Variants in CORIN observed in about 807,000 individuals in gnomAD.
The protein encoded by CORIN is corin, serine peptidase.
A neutral mutation model predicts 125.3 loss-of-function variants in CORIN; 117 were observed. That is an observed-to-expected ratio of 0.93 (90% CI 0.80 to 1.09). The LOEUF (loss-of-function observed/expected upper bound fraction) is 1.09. Ranked by LOEUF, CORIN falls within the 50% of genes least tolerant of loss-of-function variation. The pLI, the probability that CORIN is intolerant of heterozygous loss-of-function variation, is 0.00. For missense variants in CORIN, 1,253 were observed against 1,306.7 expected (o/e 0.96, Z 0.63); for synonymous variants, 450 against 466.4 (o/e 0.96, Z 0.45).
At chr4:47,837,800 G>A (rs1298255771) in intron 1 of CORIN, 87 bp downstream of exon 1, 1 of 1,172,456 alleles carries the variant, frequency 8.5e-7, no homozygotes. Context: ...AGGAGAGGAC[G>A]GGGGCGGGAG....
At chr4:47,777,701 A>G (rs1730361274) in intron 3 of CORIN, among the ~76,000 whole-genome samples, 1 of 152,244 alleles carries the variant, frequency 6.6e-6, no homozygotes. Flanking sequence ...AGAGAATAAA[A>G]TGTGTTAACA....
intron 5 of CORIN, among the ~76,000 whole-genome samples, chr4:47,722,729 G>A (rs1047864628): frequency 6.6e-6 from 1 of 152,100 alleles, no homozygotes; most frequent in African/African-American, 2.4e-5. Flanking sequence ...GAAGTGAAAC[G>A]TGGGATTCTA....
chr4:47,735,242 TTCTC>T (rs1728070798), intron 5 of CORIN, among the ~76,000 whole-genome samples: 1 of 152,204 alleles, frequency 6.6e-6, no homozygotes, highest in Non-Finnish European at 1.5e-5. Flanking sequence ...GGCAGTGACT[TTCTC>T]TATAGCACAC....
intron 1 of CORIN, among the ~76,000 whole-genome samples, chr4:47,828,592 C>T (rs1732837307): frequency 6.6e-6 from 1 of 152,278 alleles, no homozygotes; most frequent in Admixed American, 6.5e-5. Context: ...CCCAGATAAT[C>T]CAAGATAATC....
At chr4:47,787,793 C>G (rs997794627) in intron 2 of CORIN, among the ~76,000 whole-genome samples, 7 of 152,184 alleles carry the variant, frequency 4.6e-5, no homozygotes, top group Non-Finnish European at 1.0e-4. Flanking sequence ...AACTCTCTTT[C>G]CACACTTTCC....
chr4:47,623,597 A>G lies in CORIN; in HGVS notation c.2514T>C (p.Val838=). The G allele has an allele frequency of 6.2e-7, 1 of 1,614,212 alleles. No homozygotes were observed. Among genetic ancestry groups the G allele is most frequent in the Non-Finnish European group, 8.5e-7 (1 of 1,180,024 alleles). ...CGCVLIAKKW[V]LTVAHCFEGR... ...CCTCGAAGCAGTGGGCAACTGTCAG[A>G]ACCCACTTCTTGGCAATGAGGACAC... Residue 838 remains valine (V), a synonymous_variant, in exon 19 of 22, where the codon GTT becomes GTC. Coordinates refer to ENST00000273857, the MANE Select transcript of CORIN (RefSeq NM_006587.4).
chr4:47,621,294 G>T (rs1722298742), intron 19 of CORIN, among the ~76,000 whole-genome samples: 1 of 152,108 alleles, frequency 6.6e-6, no homozygotes, highest in South Asian at 2.1e-4. Context: ...AGCTTGCTTT[G>T]GAGGATGCCA....
intron 13 of CORIN, among the ~76,000 whole-genome samples, chr4:47,646,567 C>T (rs889634242): frequency 6.6e-6 from 1 of 152,170 alleles, no homozygotes; most frequent in Non-Finnish European, 1.5e-5. Flanking sequence ...TATGTCATTC[C>T]GGTCAGATCC....
chr4:47,644,571 G>T, intron 14 of CORIN, among the ~76,000 whole-genome samples: 1 of 152,102 alleles, frequency 6.6e-6, no homozygotes, highest in East Asian at 1.9e-4. Context: ...ATGTAGAAAA[G>T]ATAGAAAAGC....
At chr4:47,683,049 T>G (rs2109719452) in intron 7 of CORIN, 1 of 152,342 alleles carries the variant, frequency 6.6e-6, no homozygotes. Flanking sequence ...CAGTTTGCCC[T>G]TTTGTTCATG....
At chr4:47,658,950 C>T (rs1029922076) in intron 12 of CORIN, among the ~76,000 whole-genome samples, 1 of 152,220 alleles carries the variant, frequency 6.6e-6, no homozygotes, top group South Asian at 2.1e-4. Flanking sequence ...TTAGACGCAG[C>T]CAGGCTATCT....
intron 4 of CORIN, among the ~76,000 whole-genome samples, chr4:47,762,882 A>C (rs1729532377): frequency 6.6e-6 from 1 of 152,138 alleles, no homozygotes; most frequent in Non-Finnish European, 1.5e-5. Context: ...TCCTCTGCCT[A>C]GGGTCATAGC....
rs113901403 is a variant in CORIN at position 47,708,187 on chromosome 4, G to A, written c.800-15104C>T. 1.6e-3 allele frequency among the ~76,000 whole-genome samples: 250 copies of A among 152,272 alleles called. 1 individual carries two copies. Among genetic ancestry groups the A allele is most frequent in the African/African-American group, 5.7e-3 (235 of 41,530 alleles). On this transcript the variant is annotated intron_variant, in intron 5 of 21. Transcript: ENST00000273857. Reference sequence around the variant, plus strand: ...TGCCACAAATTGGGTGGCTGAAAACGACAGAAATTTATTCTCCCACAATGC... The same window carrying A: ...TGCCACAAATTGGGTGGCTGAAAACAACAGAAATTTATTCTCCCACAATGC...
chr4:47,622,006 C>G lies in CORIN; in HGVS notation c.2540+1565G>C, dbSNP rs534463951. ...CAATGCTATCCCTCCCCCCTCCCCC[C>G]ACCCCACAACAGTCCCCAGAGTGTG... On this transcript the variant is annotated intron_variant, in intron 19 of 21. Transcript: ENST00000273857. 3.0e-4 allele frequency among the ~76,000 whole-genome samples: 19 copies of G among 62,628 alleles called. 1 individual carries two copies. Among genetic ancestry groups the G allele is most frequent in the African/African-American group, 1.1e-3 (19 of 17,566 alleles). 41.1% of individuals were successfully genotyped at this position (62,628 alleles called of 152,430 possible).
chr4:47,683,830 C>G lies in CORIN; in HGVS notation c.922G>C (p.Glu308Gln). The G allele has an allele frequency of 1.2e-6, 2 of 1,610,822 alleles. No individual in the cohort carries two copies. The highest frequency in any genetic ancestry group is 1.7e-6 in the Non-Finnish European group (2 of 1,178,776). ...CCTGTGTGACAGTGAAACAGATTCTCGCTGCAGTCTGCAAATAAAAGAAGC... is the reference window on the plus strand; with the variant it reads ...CCTGTGTGACAGTGAAACAGATTCTGGCTGCAGTCTGCAAATAAAAGAAGC... ...WSDEAHCNCS[E>Q]NLFHCHTGKC... is the part of the protein sequence containing the mutation. The change falls in exon 7 of 22, where the codon GAG becomes CAG. Residue 308 changes from glutamate (E) to glutamine (Q), a missense_variant. Physicochemically the swap from Glu to Gln is conservative, Grantham distance 29. Transcript: ENST00000273857.
chr4:47,780,391 T>C (rs1730485079), intron 3 of CORIN, among the ~76,000 whole-genome samples: 1 of 152,104 alleles, frequency 6.6e-6, no homozygotes, highest in Non-Finnish European at 1.5e-5. Context: ...AAATAACATA[T>C]ATATCATAAT....
intron 3 of CORIN, among the ~76,000 whole-genome samples, chr4:47,781,541 C>G (rs1455967466): frequency 6.6e-6 from 1 of 152,166 alleles, no homozygotes; most frequent in Non-Finnish European, 1.5e-5. Context: ...CTACAATGTT[C>G]TATAGGTTCG....
chr4:47,631,486 C>A (rs985687204), intron 16 of CORIN, among the ~76,000 whole-genome samples: 1 of 151,640 alleles, frequency 6.6e-6, no homozygotes. Flanking sequence ...GATGATCTGT[C>A]ACTGTCTCCC....
intron 1 of CORIN, among the ~76,000 whole-genome samples, chr4:47,807,735 A>G (rs746905294): frequency 1.3e-5 from 2 of 152,210 alleles, no homozygotes; most frequent in Non-Finnish European, 2.9e-5. Flanking sequence ...TCTTGTCTTC[A>G]AATGCTTCAA....
Sources: allele counts gnomAD v4.1 joint callset (sites outside exome capture counted in the v4.1 genomes callset), GRCh38; gene constraint gnomAD v4.1.1; transcripts MANE v1.5; gene names NCBI Gene and HGNC (gene_info 2026-07-23, HGNC 2026-07-21).